Variants in ZBTB20 observed in about 807,000 individuals in gnomAD.
ZBTB20 encodes zinc finger and BTB domain-containing protein 20.
Under a neutral mutation model 56.9 loss-of-function variants are expected in ZBTB20, and 9 were observed. The ratio of observed to expected loss-of-function variants is 0.16; its 90% CI spans 0.10 to 0.28. The LOEUF is 0.28. Among genes scored for constraint, ZBTB20 ranks in the 10% least tolerant of loss-of-function variants. The pLI, the probability that ZBTB20 is intolerant of heterozygous loss-of-function variation, is 1.00. For missense variants in ZBTB20, 655 were observed against 1,003.0 expected, an observed-to-expected ratio of 0.65 and a Z score of 4.69; for synonymous variants, 417 against 420.7, an observed-to-expected ratio of 0.99 and a Z score of 0.11.
chr3:114,549,994 G>A (rs1006567896), intron 6 of ZBTB20, among the ~76,000 whole-genome samples: 6 of 151,990 alleles, frequency 3.9e-5, no homozygotes, highest in Non-Finnish European at 8.8e-5. Context: ...TTGGAGTGCA[G>A]TGGCGCGATC....
intron 3 of ZBTB20, among the ~76,000 whole-genome samples, chr3:114,938,570 G>A (rs1349887250): frequency 6.8e-6 from 1 of 146,040 alleles, no homozygotes; most frequent in Non-Finnish European, 1.5e-5. Flanking sequence ...ACTAACACAG[G>A]AACAGAAAAC....
chr3:114,709,026 G>A (rs1479461247), intron 5 of ZBTB20, among the ~76,000 whole-genome samples: 1 of 152,028 alleles, frequency 6.6e-6, no homozygotes, highest in Non-Finnish European at 1.5e-5. Context: ...TTTTATAGAT[G>A]TATGTGTTGC....
At chr3:114,381,758 T>C (rs2084371591) in intron 8 of ZBTB20, among the ~76,000 whole-genome samples, 2 of 152,262 alleles carry the variant, frequency 1.3e-5, no homozygotes, top group African/African-American at 2.4e-5. Context: ...ATTAGTATGC[T>C]GTGTTTTCAG....
At chr3:114,482,378 T>TGGATGGCACTCCAA (rs1464031942) in intron 7 of ZBTB20, among the ~76,000 whole-genome samples, 3 of 152,144 alleles carry the variant, frequency 2.0e-5, no homozygotes, top group African/African-American at 7.2e-5. Context: ...ATATTGCATT[T>TGGATGGCACTCCAA]GGATGGCACT....
chr3:115,110,670 A>G (rs2083852275), intron 1 of ZBTB20, among the ~76,000 whole-genome samples: 1 of 152,178 alleles, frequency 6.6e-6, no homozygotes, highest in African/African-American at 2.4e-5. Flanking sequence ...TTATCAGTTT[A>G]TATCTCAATG....
chr3:114,442,914 T>C (rs1366162156), intron 7 of ZBTB20, among the ~76,000 whole-genome samples: 1 of 152,204 alleles, frequency 6.6e-6, no homozygotes. Context: ...AATGTGTTTG[T>C]ATGTCTGGAA....
chr3:114,747,250 A>G (rs1283747467), intron 5 of ZBTB20, among the ~76,000 whole-genome samples: 1 of 152,178 alleles, frequency 6.6e-6, no homozygotes, highest in Non-Finnish European at 1.5e-5. Flanking sequence ...GATTAACAGA[A>G]AGGGTGGAAA....
At chr3:115,143,651 A>AT (rs2084882568) in intron 1 of ZBTB20, among the ~76,000 whole-genome samples, 1 of 152,214 alleles carries the variant, frequency 6.6e-6, no homozygotes, top group Non-Finnish European at 1.5e-5. Context: ...CTATGTAGGA[A>AT]TTTTATAGTA....
intron 2 of ZBTB20, among the ~76,000 whole-genome samples, chr3:115,064,783 A>G (rs1291524570): frequency 6.6e-6 from 1 of 152,116 alleles, no homozygotes; most frequent in Non-Finnish European, 1.5e-5. Flanking sequence ...CACATCTTCT[A>G]GCTTTGAATG....
intron 5 of ZBTB20, among the ~76,000 whole-genome samples, chr3:114,728,932 CAG>C (rs763558464): frequency 2.8e-4 from 42 of 151,958 alleles, no homozygotes; most frequent in Non-Finnish European, 4.9e-4. Context: ...AGTGTGGGGG[CAG>C]AGAGAATCAA....
chr3:114,398,156 C>T (rs1011846639), intron 7 of ZBTB20, among the ~76,000 whole-genome samples: 1 of 152,026 alleles, frequency 6.6e-6, no homozygotes, highest in South Asian at 2.1e-4. Context: ...GAAATTTTCC[C>T]TTGTGAAGAC....
chr3:114,730,129 T>C (rs2065625865), intron 5 of ZBTB20, among the ~76,000 whole-genome samples: 1 of 151,952 alleles, frequency 6.6e-6, no homozygotes, highest in Non-Finnish European at 1.5e-5. Context: ...TGACAGAATA[T>C]CAGTGTTAGC....
chr3:114,897,084 T>C (rs1233169228), intron 4 of ZBTB20, among the ~76,000 whole-genome samples: 1 of 152,134 alleles, frequency 6.6e-6, no homozygotes, highest in African/African-American at 2.4e-5. Context: ...TGCCAACCAG[T>C]GGACCAAGAA....
At chr3:114,902,217 T>G (rs1436981503) in intron 3 of ZBTB20, among the ~76,000 whole-genome samples, 1 of 152,224 alleles carries the variant, frequency 6.6e-6, no homozygotes. Context: ...CTTTACTTAT[T>G]ATGCAGAGTG....
At position 114,801,161 on chromosome 3, in the gene ZBTB20, T is replaced by C. The variant is rs950995302; in HGVS notation, c.-403A>G. On this transcript the variant is annotated 5_prime_UTR_variant, in exon 5 of 12. Transcript: ENST00000675478. ...GTGCAGTGATTTCAGTCTCTAAATG[T>C]AACTTCAGGCAGTCTGAAAAGAAAC... 10 of 152,274 alleles carry C rather than the reference T, an allele frequency of 6.6e-5. No homozygotes were observed. Among genetic ancestry groups the C allele is most frequent in the African/African-American group, 2.4e-4 (10 of 41,396 alleles). The allele number at this position is 152,274 out of a possible 1,614,324, so 9.4% of individuals were successfully genotyped here. A position where few individuals can be genotyped will look rare whatever the true frequency, so the allele number is the denominator to read the frequency against.
At chr3:114,864,860 C>T (rs2075696744) in intron 4 of ZBTB20, among the ~76,000 whole-genome samples, 1 of 152,076 alleles carries the variant, frequency 6.6e-6, no homozygotes, top group Non-Finnish European at 1.5e-5. Flanking sequence ...CCAACTTTTG[C>T]CCCTTCATTG....
rs556408830 is a variant in ZBTB20 at position 114,890,295 on chromosome 3, T to C, written c.-417+10009A>G. Among the ~76,000 whole-genome samples, 3 of 152,336 alleles carry C rather than the reference T, an allele frequency of 2.0e-5. No individual in the cohort carries two copies. The South Asian group carries it at 6.2e-4, about 32-fold the overall frequency. ...TTAAATAAATTTAAAAAGAACAAAA[T>C]CTTCTTTGAGTTCCCCTATATTCCT... On this transcript the variant is annotated intron_variant, in intron 4 of 11. Transcript: ENST00000675478.
chr3:114,980,897 T>C (rs1326415272), intron 2 of ZBTB20, among the ~76,000 whole-genome samples: 1 of 151,998 alleles, frequency 6.6e-6, no homozygotes, highest in Non-Finnish European at 1.5e-5. Context: ...CTAAGGGTTC[T>C]AGGGGGAAAG....
At chr3:114,705,788 C>G (rs1037615864) in intron 5 of ZBTB20, among the ~76,000 whole-genome samples, 1 of 152,176 alleles carries the variant, frequency 6.6e-6, no homozygotes, top group Non-Finnish European at 1.5e-5. Flanking sequence ...TAACCCAGAA[C>G]CCAGCACTGG....
Sources: gnomAD v4.1 joint callset for allele counts (sites outside exome capture counted in the v4.1 genomes callset) on GRCh38, gnomAD v4.1.1 for gene constraint, MANE v1.5 for transcripts, NCBI Gene and HGNC (gene_info 2026-07-23, HGNC 2026-07-21) for gene names.